WSCD2: variants seen among roughly 807,000 people sequenced by gnomAD.
The protein encoded by WSCD2 is sialate:O-sulfotransferase 2.
A neutral mutation model predicts 55.7 loss-of-function variants in WSCD2; 28 were observed. That is an observed-to-expected ratio of 0.50 (90% CI 0.37 to 0.69). WSCD2 has a LOEUF of 0.69. Among genes scored for constraint, WSCD2 ranks in the 30% least tolerant of loss-of-function variants. The pLI, the probability that WSCD2 is intolerant of heterozygous loss-of-function variation, is 0.00. For missense variants in WSCD2, 616 were observed against 762.1 expected, an observed-to-expected ratio of 0.81 and a Z score of 2.26; for synonymous variants, 301 against 301.9, an observed-to-expected ratio of 1.00 and a Z score of 0.03.
intron 1 of WSCD2, among the ~76,000 whole-genome samples, chr12:108,136,023 T>C (rs1027738926): frequency 2.8e-4 from 42 of 152,214 alleles, no homozygotes; most frequent in Non-Finnish European, 1.9e-4. Context: ...TCCTGAGCTT[T>C]GGACTAGGAT....
intron 1 of WSCD2, among the ~76,000 whole-genome samples, chr12:108,175,757 A>G (rs1880759422): frequency 1.3e-5 from 2 of 152,234 alleles, no homozygotes; most frequent in African/African-American, 4.8e-5. Context: ...ATCCTCTTGG[A>G]AGCATCCCTT....
At chr12:108,171,184 A>C (rs1880203016) in intron 1 of WSCD2, among the ~76,000 whole-genome samples, 1 of 152,210 alleles carries the variant, frequency 6.6e-6, no homozygotes, top group Non-Finnish European at 1.5e-5. Context: ...AGCTCTTAGG[A>C]AGACCTCTCT....
At chr12:108,132,916 C>G (rs1445305263) in intron 1 of WSCD2, among the ~76,000 whole-genome samples, 2 of 152,050 alleles carry the variant, frequency 1.3e-5, no homozygotes, top group Non-Finnish European at 2.9e-5. Flanking sequence ...GTGTGTGTAG[C>G]ATTGCACACC....
At chr12:108,201,252 T>C (rs996830303) in intron 2 of WSCD2, among the ~76,000 whole-genome samples, 2 of 152,136 alleles carry the variant, frequency 1.3e-5, no homozygotes, top group Non-Finnish European at 2.9e-5. Flanking sequence ...TGGTTTCCAG[T>C]GTTCCCAGCC....
At chr12:108,159,979 C>T (rs943452200) in intron 1 of WSCD2, among the ~76,000 whole-genome samples, 25 of 152,154 alleles carry the variant, frequency 1.6e-4, no homozygotes, top group African/African-American at 5.5e-4. Flanking sequence ...CAGGGCTCTG[C>T]GAGGGGCCTT....
chr12:108,222,853 C>T (rs559283682), intron 4 of WSCD2, among the ~76,000 whole-genome samples: 101 of 152,352 alleles, frequency 6.6e-4, no homozygotes, highest in African/African-American at 2.3e-3. Flanking sequence ...TATATTCCTA[C>T]TTGATTGGTC....
chr12:108,162,255 A>G lies in WSCD2; in HGVS notation c.-552+32329A>G, dbSNP rs536607367. ...ATTTCCTCCTTTGGGCTTCTTCAGC[A>G]TCTTCCTTGCAGGCTCACATCTCTC... is the stretch of plus-strand genomic sequence containing the variant. On this transcript the variant is annotated intron_variant, in intron 1 of 8. Transcript: ENST00000547525. Among the ~76,000 whole-genome samples, 18 of 152,316 alleles carry G rather than the reference A, an allele frequency of 1.2e-4. No homozygotes were observed. In the South Asian group the frequency reaches 3.5e-3, roughly 30 times the overall value.
intron 4 of WSCD2, among the ~76,000 whole-genome samples, chr12:108,217,744 C>T (rs946434429): frequency 1.3e-5 from 2 of 152,180 alleles, no homozygotes; most frequent in African/African-American, 2.4e-5. Context: ...CCTCACTGCA[C>T]CCCCAGAACA....
At chr12:108,227,233 G>T (rs544321437) in intron 6 of WSCD2, 69 bp downstream of exon 6, 105 of 1,542,196 alleles carry the variant, frequency 6.8e-5, no homozygotes, top group Non-Finnish European at 9.0e-5. Context: ...ACGTGTTCCT[G>T]CCAGTCCATC....
intron 1 of WSCD2, among the ~76,000 whole-genome samples, chr12:108,192,111 C>T (rs1192855271): frequency 1.3e-5 from 2 of 152,228 alleles, no homozygotes; most frequent in East Asian, 3.9e-4. Context: ...TTGCTGTCTC[C>T]ACGACAGCAA....
chr12:108,224,372 C>A (rs183074164), intron 4 of WSCD2, among the ~76,000 whole-genome samples: 60 of 152,252 alleles, frequency 3.9e-4, no homozygotes, highest in African/African-American at 1.3e-3. Context: ...TCACAAAAAT[C>A]CTCCGTGTAC....
At chr12:108,131,464 CGG>C (rs1565905987) in intron 1 of WSCD2, among the ~76,000 whole-genome samples, 1 of 152,226 alleles carries the variant, frequency 6.6e-6, no homozygotes, top group Non-Finnish European at 1.5e-5. Flanking sequence ...CTCCACGCTT[CGG>C]CTCCTCCACT....
At chr12:108,184,843 T>C (rs529672165) in intron 1 of WSCD2, among the ~76,000 whole-genome samples, 1 of 152,334 alleles carries the variant, frequency 6.6e-6, no homozygotes, top group East Asian at 1.9e-4. Context: ...AAGCCTCAGT[T>C]TCCCCTTATG....
chr12:108,154,141 G>A (rs186747444), intron 1 of WSCD2, among the ~76,000 whole-genome samples: 69 of 152,306 alleles, frequency 4.5e-4, no homozygotes, highest in South Asian at 3.9e-3. Flanking sequence ...CTGGAGTTGC[G>A]AAGGGTGTAT....
chr12:108,180,050 C>CAAAAAAAAAAAA (rs59925486), intron 1 of WSCD2, among the ~76,000 whole-genome samples: 15 of 116,666 alleles, frequency 1.3e-4, no homozygotes, highest in Non-Finnish European at 1.8e-4. Flanking sequence ...CTCAAAAAAA[C>CAAAAAAAAAAAA]AAAAAAAAAA....
chr12:108,207,378 T>C (rs1338008043), intron 3 of WSCD2, among the ~76,000 whole-genome samples: 1 of 151,974 alleles, frequency 6.6e-6, no homozygotes, highest in Non-Finnish European at 1.5e-5. Context: ...TTTTTATTTT[T>C]TATTTTTTTG....
chr12:108,171,470 C>G (rs1246908922), intron 1 of WSCD2, among the ~76,000 whole-genome samples: 1 of 152,150 alleles, frequency 6.6e-6, no homozygotes, highest in Admixed American at 6.5e-5. Context: ...AAATACACAT[C>G]AGATTTTTAA....
chr12:108,157,357 T>C (rs1362187195), intron 1 of WSCD2, among the ~76,000 whole-genome samples: 1 of 152,194 alleles, frequency 6.6e-6, no homozygotes, highest in African/African-American at 2.4e-5. Flanking sequence ...ATGGCATACA[T>C]TGGAGTTCAC....
At position 108,143,555 on chromosome 12, in the gene WSCD2, T is replaced by C. The variant is rs569187866; in HGVS notation, c.-552+13629T>C. On this transcript the variant is annotated intron_variant, in intron 1 of 8. Coordinates refer to ENST00000547525, the MANE Select transcript of WSCD2 (RefSeq NM_014653.4). ...TCAGAGCCTTGCTGTGAGGATGATATGAGATCAGGCATGCAAGGTACTTAG... is the reference window on the plus strand; with the variant it reads ...TCAGAGCCTTGCTGTGAGGATGATACGAGATCAGGCATGCAAGGTACTTAG... Among the ~76,000 whole-genome samples the C allele has an allele frequency of 1.1e-4, 17 of 152,234 alleles. No homozygotes were observed. The East Asian group carries it at 3.1e-3, about 28-fold the overall frequency.
Sources: allele counts gnomAD v4.1 joint callset (sites outside exome capture counted in the v4.1 genomes callset), GRCh38; gene constraint gnomAD v4.1.1; transcripts MANE v1.5; gene names NCBI Gene and HGNC (gene_info 2026-07-23, HGNC 2026-07-21).